The following PAX6 variants were observed in gnomAD, a reference collection of about 807,000 sequenced individuals.
The protein encoded by PAX6 is paired box protein Pax-6.
A neutral mutation model predicts 60.7 loss-of-function variants in PAX6; 7 were observed. That is an observed-to-expected ratio of 0.12 (90% CI 0.07 to 0.22). The LOEUF is 0.22. Among genes scored for constraint, PAX6 ranks in the 10% least tolerant of loss-of-function variants. PAX6 has a pLI of 1.00. For synonymous variants in PAX6, 208 were observed against 201.2 expected, an observed-to-expected ratio of 1.03 and a Z score of -0.29; for missense variants, 355 against 555.2, an observed-to-expected ratio of 0.64 and a Z score of 3.62.
chr11:31,806,351 C>A, intron 4 of PAX6, 51 bp downstream of exon 4: 1 of 1,589,962 alleles, frequency 6.3e-7, no homozygotes, highest in East Asian at 2.3e-5. Flanking sequence ...CCCTGACCCT[C>A]GGGTCCGCGC....
intron 8 of PAX6, among the ~76,000 whole-genome samples, chr11:31,800,138 G>T (rs569328952): frequency 1.2e-4 from 19 of 152,100 alleles, no homozygotes; most frequent in African/African-American, 4.6e-4. Flanking sequence ...GGACCCAGAG[G>T]GGCGAACGGG....
rs759150602 is a variant in PAX6 at position 31,793,654 on chromosome 11, G to A, written c.956C>T (p.Pro319Leu). The A allele has an allele frequency of 1.4e-5, 23 of 1,614,004 alleles. No homozygotes were observed. Among genetic ancestry groups the A allele is most frequent in the South Asian group, 7.7e-5 (7 of 91,080 alleles). ...VYQPIPQPTTPVSSFTSGSML... is the reference protein window; with the variant it reads ...VYQPIPQPTTLVSSFTSGSML... Reference sequence around the variant, plus strand: ...GTAGTATTAGTATTTCAAATTACCCGGTGTGGTGGGTTGTGGAATTGGTTG... The same window carrying A: ...GTAGTATTAGTATTTCAAATTACCCAGTGTGGTGGGTTGTGGAATTGGTTG... The change falls in exon 11 of 14, where the codon CCG becomes CTG. Residue 319 changes from proline (P) to leucine (L), a missense_variant and splice_region_variant. This residue lies in a region of PAX6 where 149 missense variants were observed against 191.9 expected (regional missense o/e 0.78). Coordinates refer to ENST00000640368, the MANE Select transcript of PAX6 (RefSeq NM_001368894.2).
intron 12 of PAX6, chr11:31,793,116 C>A: frequency 1.7e-6 from 1 of 603,222 alleles, no homozygotes; most frequent in Non-Finnish European, 3.0e-6. Context: ...GCATTATTTC[C>A]ACTTTCTGGT....
intron 8 of PAX6, 88 bp from the exon 9 acceptor site, chr11:31,794,876 G>T: frequency 8.1e-7 from 1 of 1,240,386 alleles, no homozygotes; most frequent in Non-Finnish European, 1.2e-6. Context: ...AACTCCAAGA[G>T]CATTATATCC....
At chr11:31,800,656 A>T (rs1747216137) in intron 8 of PAX6, 35 bp downstream of exon 8, 4 of 1,612,556 alleles carry the variant, frequency 2.5e-6, no homozygotes, top group Non-Finnish European at 3.4e-6. Context: ...GGATGCACAT[A>T]TGGAGAGCTG....
upstream of PAX6, chr11:31,811,789 C>G (rs1957058721): frequency 6.6e-6 from 1 of 151,286 alleles, no homozygotes; most frequent in South Asian, 2.1e-4. Context: ...AGCACAGCGG[C>G]GGCCGCACCC....
At chr11:31,806,280 C>T (rs544308308) in intron 4 of PAX6, 122 bp downstream of exon 4, 3 of 1,188,772 alleles carry the variant, frequency 2.5e-6, no homozygotes, top group Admixed American at 2.3e-5. Flanking sequence ...CGCCGCAGGT[C>T]CCCGGGCCTC....
In PAX6 at chr11:31,806,393, G is replaced by A; in HGVS notation, c.10+9C>T. The A allele has an allele frequency of 6.2e-7, 1 of 1,609,112 alleles. No individual in the cohort carries two copies. The highest frequency in any genetic ancestry group is 8.5e-7 in the Non-Finnish European group (1 of 1,177,926). ...AGCCCGAAGTCCCAGAAAGACCAGA[G>A]GCACTTACTGTTCTGCATGCTGGCT... On this transcript the variant is annotated intron_variant, in intron 4 of 13. Transcript: ENST00000640368.
At chr11:31,803,228 C>G in intron 4 of PAX6, 1 of 257,802 alleles carries the variant, frequency 3.9e-6, no homozygotes, top group South Asian at 4.8e-5. Flanking sequence ...CCCCAGCCCA[C>G]TGCCCCTCTT....
chr11:31,795,689 T>C (rs576906463), intron 8 of PAX6, among the ~76,000 whole-genome samples: 1 of 152,384 alleles, frequency 6.6e-6, no homozygotes, highest in Admixed American at 6.5e-5. Context: ...ACTTCTATCA[T>C]TATACAGGGG....
chr11:31,798,126 A>G (rs2042398886), intron 8 of PAX6, among the ~76,000 whole-genome samples: 1 of 149,606 alleles, frequency 6.7e-6, no homozygotes, highest in Admixed American at 6.7e-5. Flanking sequence ...TCAGCTCTGG[A>G]GCGCGGATCA....
Position 31,808,254 on chromosome 11 carries a change from G to A in PAX6, c.-128-1329C>T, listed in dbSNP as rs572046881. 316 of 152,204 alleles carry A rather than the reference G, an allele frequency of 2.1e-3. 2 individuals are homozygous for A. Among genetic ancestry groups the A allele is most frequent in the African/African-American group, 6.9e-3 (287 of 41,500 alleles). The allele number at this position is 152,204 out of a possible 1,614,324, so 9.4% of individuals were successfully genotyped here. ...CATTTTACTCTACAAGGCCATTCCT[G>A]GTCTACTTTTTAACTACTTGGTAGA... On this transcript the variant is annotated intron_variant, in intron 2 of 13. Coordinates refer to ENST00000640368, the MANE Select transcript of PAX6 (RefSeq NM_001368894.2).
rs886048206 is a variant in PAX6 at position 31,811,166 on chromosome 11, C to T, written c.-368G>A. The T allele has an allele frequency of 1.2e-4, 48 of 399,242 alleles. No individual in the cohort carries two copies. Among genetic ancestry groups the T allele is most frequent in the Non-Finnish European group, 4.4e-5 (10 of 226,362 alleles). The allele number at this position is 399,242 out of a possible 1,614,324, so 24.7% of individuals were successfully genotyped here. Reference sequence around the variant, plus strand: ...GTGTTAATGTGTGTGTGCCGGCGCCCGGCCTCGCCTCCACCGCTCCTCACT... The same window carrying T: ...GTGTTAATGTGTGTGTGCCGGCGCCTGGCCTCGCCTCCACCGCTCCTCACT... On this transcript the variant is annotated 5_prime_UTR_variant, in exon 1 of 14. Coordinates refer to ENST00000640368, the MANE Select transcript of PAX6 (RefSeq NM_001368894.2).
intron 2 of PAX6, chr11:31,809,220 T>C (rs1177084574): frequency 6.6e-6 from 1 of 152,224 alleles, no homozygotes; most frequent in Admixed American, 6.5e-5. Context: ...CTAATCAAAC[T>C]GCCTTCACGC....
intron 8 of PAX6, among the ~76,000 whole-genome samples, chr11:31,795,937 G>C (rs542870747): frequency 1.3e-5 from 2 of 152,224 alleles, no homozygotes; most frequent in Non-Finnish European, 2.9e-5. Context: ...GGCCAGAGGC[G>C]GGGTGGAGGG....
chr11:31,816,554 G>A (rs749117053), intron 1 of PAX6: 3 of 702,644 alleles, frequency 4.3e-6, no homozygotes, highest in South Asian at 3.0e-5. Flanking sequence ...TGGAGGAGAA[G>A]GTCCACTTCC....
intron 4 of PAX6, chr11:31,804,285 C>T (rs1955045219): frequency 6.6e-6 from 1 of 152,212 alleles, no homozygotes; most frequent in African/African-American, 2.4e-5. Flanking sequence ...GACAGTGCTC[C>T]GCTCCGGGAA....
intron 9 of PAX6, 42 bp downstream of exon 9, chr11:31,794,588 T>C (rs1234265644): frequency 1.9e-6 from 3 of 1,606,638 alleles, no homozygotes; most frequent in African/African-American, 1.3e-5. Flanking sequence ...ATGTGGCATT[T>C]ACTTTGATTT....
chr11:31,799,186 G>A (rs958045526), intron 8 of PAX6, among the ~76,000 whole-genome samples: 1 of 152,210 alleles, frequency 6.6e-6, no homozygotes, highest in Admixed American at 6.5e-5. Context: ...AGGCAGGGAT[G>A]GGGTTGCCTA....
Sources: gnomAD v4.1 joint callset for allele counts (sites outside exome capture counted in the v4.1 genomes callset) on GRCh38, gnomAD v4.1.1 for gene constraint, gnomAD v4.1.1 regional missense constraint, MANE v1.5 for transcripts, NCBI Gene and HGNC (gene_info 2026-07-23, HGNC 2026-07-21) for gene names.